The following BDNF variants were observed in gnomAD, a reference collection of about 807,000 sequenced individuals.
The protein encoded by BDNF is brain derived neurotrophic factor.
Under a neutral mutation model 19.5 loss-of-function variants are expected in BDNF, and 1 was observed. The observed-to-expected ratio is 0.05, with a 90% CI of 0.02 to 0.24. The LOEUF is 0.24. Ranked by LOEUF, BDNF falls within the 10% of genes least tolerant of loss-of-function variation. The pLI, the probability that BDNF is intolerant of heterozygous loss-of-function variation, is 1.00. For missense variants in BDNF, 195 were observed against 317.6 expected (o/e 0.61, Z 2.93); for synonymous variants, 100 against 121.6 (o/e 0.82, Z 1.17).
chr11:27,690,244 C>G (rs966379755), intron 1 of BDNF, among the ~76,000 whole-genome samples: 2 of 152,100 alleles, frequency 1.3e-5, no homozygotes, highest in Non-Finnish European at 2.9e-5. Flanking sequence ...TGTGAATACT[C>G]TCAACAAGCA....
At chr11:27,662,688 G>T (rs542859979) in intron 1 of BDNF, among the ~76,000 whole-genome samples, 1 of 152,214 alleles carries the variant, frequency 6.6e-6, no homozygotes, top group African/African-American at 2.4e-5. Context: ...TGCATGTGCA[G>T]TTCACAACAG....
intron 1 of BDNF, among the ~76,000 whole-genome samples, chr11:27,673,054 A>G (rs1301288876): frequency 1.3e-5 from 2 of 152,074 alleles, no homozygotes; most frequent in Non-Finnish European, 2.9e-5. Context: ...ACAGAACCCT[A>G]TTTTCCCAGG....
intron 1 of BDNF, chr11:27,699,740 ACCAC>A (rs1859669487): frequency 7.5e-7 from 1 of 1,330,668 alleles, no homozygotes; most frequent in Non-Finnish European, 9.7e-7. Context: ...CGGCGCGGGG[ACCAC>A]CCACCCCCTG....
At chr11:27,674,597 A>C in intron 1 of BDNF, 1 of 985,138 alleles carries the variant, frequency 1.0e-6, no homozygotes, top group Non-Finnish European at 1.2e-6. Flanking sequence ...ATGACAAAAG[A>C]TCCATATGGC....
At chr11:27,719,711 G>A (rs917008559) in intron 1 of BDNF, 36 of 886,146 alleles carry the variant, frequency 4.1e-5, no homozygotes, top group Admixed American at 6.3e-5. Context: ...ATAGAATGAG[G>A]GAGGGATGGA....
chr11:27,683,497 T>C (rs2133972700), intron 1 of BDNF, among the ~76,000 whole-genome samples: 1 of 152,334 alleles, frequency 6.6e-6, no homozygotes, highest in South Asian at 2.1e-4. Flanking sequence ...ATGTCCTGAA[T>C]GGTATTGCCT....
Position 27,700,292 on chromosome 11 carries a change from G to A in BDNF, c.-150C>T, listed in dbSNP as rs1197172892. 3.0e-6 allele frequency: 3 copies of A among 985,074 alleles called. No homozygotes were observed. The highest frequency in any genetic ancestry group is 3.6e-6 in the Non-Finnish European group (3 of 829,894). 61.0% of individuals were successfully genotyped at this position (985,074 alleles called of 1,614,324 possible). ...CCCGCCGGCCCCACAGCAGCGGTGG[G>A]TGTCTCATTAAAGCCCCCCGAGCAG... On this transcript the variant is annotated 5_prime_UTR_variant, in exon 1 of 2. Coordinates refer to ENST00000356660, the MANE Select transcript of BDNF (RefSeq NM_001709.5).
intron 1 of BDNF, among the ~76,000 whole-genome samples, chr11:27,661,754 A>G (rs1853477510): frequency 6.6e-6 from 1 of 152,098 alleles, no homozygotes; most frequent in South Asian, 2.1e-4. Context: ...ATGCTTCATC[A>G]CTTCTGCTCC....
chr11:27,702,372 C>G (rs1398935534), upstream of BDNF, among the ~76,000 whole-genome samples: 1 of 152,140 alleles, frequency 6.6e-6, no homozygotes, highest in East Asian at 1.9e-4. Context: ...CGAATGCAGA[C>G]AATCTGAAGT....
intron 1 of BDNF, among the ~76,000 whole-genome samples, chr11:27,685,758 G>A (rs1857398321): frequency 6.6e-6 from 1 of 151,808 alleles, no homozygotes; most frequent in South Asian, 2.1e-4. Flanking sequence ...ACTTTGGTCT[G>A]AGAGACTGTT....
In BDNF at chr11:27,658,235, C is replaced by A; in HGVS notation, c.330G>T (p.Leu110=). 1.2e-6 allele frequency: 2 copies of A among 1,613,914 alleles called. No homozygotes were observed. The highest frequency in any genetic ancestry group is 1.3e-5 in the African/African-American group (1 of 75,032). Residue 110 remains leucine, a synonymous_variant, in exon 2 of 2, where the codon CTG becomes CTT. Transcript: ENST00000356660. This position sits in a 1 kb window ranked among gnomAD's most constrained non-coding sequence, Gnocchi z 5.7. ...VPLEPPLLFL[L]EEYKNYLDAA... is the part of the protein sequence containing the mutation. ...CATCTAGGTAATTTTTGTATTCCTCCAGCAGAAAGAGAAGAGGAGGCTCCA... is the reference window on the plus strand; with the variant it reads ...CATCTAGGTAATTTTTGTATTCCTCAAGCAGAAAGAGAAGAGGAGGCTCCA...
In BDNF at chr11:27,656,714, A is replaced by ATGAG. The variant is rs1364255448; in HGVS notation, c.*1103_*1106dup. The ATGAG allele has an allele frequency of 1.0e-6, 1 of 985,076 alleles. No homozygotes were observed. Among genetic ancestry groups the ATGAG allele is most frequent in the East Asian group, 1.1e-4 (1 of 8,804 alleles). The allele number at this position is 985,076 out of a possible 1,614,324, so 61.0% of individuals were successfully genotyped here. A position where few individuals can be genotyped will look rare whatever the true frequency, so the allele number is the denominator to read the frequency against. On this transcript the variant is annotated 3_prime_UTR_variant, in exon 2 of 2. Coordinates refer to ENST00000356660, the MANE Select transcript of BDNF (RefSeq NM_001709.5). ...TTACAAGACATTGTTAAGCCTCACC[A>ATGAG]TGAGTTTTTTTTAAGCTTAGCCATG...
intron 1 of BDNF, chr11:27,699,589 C>T (rs753189823): frequency 1.4e-4 from 209 of 1,481,780 alleles, no homozygotes; most frequent in Non-Finnish European, 1.7e-4. Context: ...AATTCCGCCT[C>T]CCAAGTTTTC....
intron 1 of BDNF, among the ~76,000 whole-genome samples, chr11:27,680,618 A>G (rs1856731168): frequency 6.6e-6 from 1 of 152,192 alleles, no homozygotes; most frequent in African/African-American, 2.4e-5. Context: ...GCCACCTACT[A>G]TGTATGTGCC....
intron 1 of BDNF, among the ~76,000 whole-genome samples, chr11:27,671,598 T>C (rs1855389477): frequency 6.6e-6 from 1 of 152,182 alleles, no homozygotes; most frequent in Non-Finnish European, 1.5e-5. Context: ...ATTAATGCAA[T>C]TCAAATTTAT....
intron 1 of BDNF, among the ~76,000 whole-genome samples, chr11:27,687,205 T>C (rs1283678326): frequency 6.6e-6 from 1 of 152,220 alleles, no homozygotes; most frequent in African/African-American, 2.4e-5. Flanking sequence ...ATTCAGTTAT[T>C]GAAGCTTGTG....
intron 1 of BDNF, among the ~76,000 whole-genome samples, chr11:27,661,356 G>A (rs1428614623): frequency 6.6e-6 from 1 of 152,114 alleles, no homozygotes; most frequent in African/African-American, 2.4e-5. Context: ...GGCAACCCAG[G>A]CATAGGATAG....
chr11:27,700,752 G>T (rs1859839985), upstream of BDNF: 4 of 1,188,764 alleles, frequency 3.4e-6, no homozygotes, highest in African/African-American at 1.6e-5. Flanking sequence ...GACGCCCGCG[G>T]CTTCGAGGGG....
intron 1 of BDNF, among the ~76,000 whole-genome samples, chr11:27,683,122 C>T (rs1857049808): frequency 6.6e-6 from 1 of 152,214 alleles, no homozygotes; most frequent in South Asian, 2.1e-4. Context: ...AAGATGGTAT[C>T]TCACTGTGGT....
Sources: allele counts gnomAD v4.1 joint callset (sites outside exome capture counted in the v4.1 genomes callset), GRCh38; gene constraint gnomAD v4.1.1; non-coding constraint Gnocchi (gnomAD v3.1); transcripts MANE v1.5; gene names NCBI Gene and HGNC (gene_info 2026-07-23, HGNC 2026-07-21).